MAPKAP1: variants seen among roughly 807,000 people sequenced by gnomAD.
MAPKAP1 encodes the protein target of rapamycin complex 2 subunit MAPKAP1.
Under a neutral mutation model 65.7 loss-of-function variants are expected in MAPKAP1, and 20 were observed. The ratio of observed to expected loss-of-function variants is 0.30; its 90% CI spans 0.21 to 0.44. The LOEUF (loss-of-function observed/expected upper bound fraction) is 0.44, where lower values mean the gene tolerates loss of function less well. Ranked by LOEUF, MAPKAP1 falls within the 20% of genes least tolerant of loss-of-function variation. MAPKAP1 has a pLI of 1.00. For synonymous variants in MAPKAP1, 222 were observed against 244.3 expected, an observed-to-expected ratio of 0.91 and a Z score of 0.85; for missense variants, 423 against 648.0, an observed-to-expected ratio of 0.65 and a Z score of 3.77.
intron 8 of MAPKAP1, among the ~76,000 whole-genome samples, chr9:125,503,425 C>T (rs920063305): frequency 9.9e-5 from 15 of 152,180 alleles, no homozygotes; most frequent in Non-Finnish European, 1.9e-4. Context: ...TTTGTTTCAA[C>T]CTTTTCCCAG....
At chr9:125,466,180 G>C (rs1037469426) in intron 10 of MAPKAP1, among the ~76,000 whole-genome samples, 1 of 152,206 alleles carries the variant, frequency 6.6e-6, no homozygotes, top group African/African-American at 2.4e-5. Flanking sequence ...AGGAACTCAA[G>C]AACAGCCTGG....
rs528090723 is a variant in MAPKAP1, at chr9:125,682,943, G to A, written c.-69-10300C>T. On this transcript the variant is annotated intron_variant, in intron 1 of 11. Transcript: ENST00000265960. ...GGATCTTCTGAGGGTGGACCCAGTA[G>A]ATAGAATTTTAAATTCTTTTTTTTT... 4.7e-5 allele frequency among the ~76,000 whole-genome samples: 7 copies of A among 149,680 alleles called. No homozygotes were observed. The South Asian group carries it at 1.5e-3, about 32-fold the overall frequency.
chr9:125,622,090 C>T (rs1262719825), intron 4 of MAPKAP1, among the ~76,000 whole-genome samples: 1 of 152,038 alleles, frequency 6.6e-6, no homozygotes, highest in Non-Finnish European at 1.5e-5. Flanking sequence ...AAAACTGGGG[C>T]TCATGGAAGT....
chr9:125,701,424 G>C (rs1386532321), intron 1 of MAPKAP1, among the ~76,000 whole-genome samples: 1 of 152,136 alleles, frequency 6.6e-6, no homozygotes, highest in African/African-American at 2.4e-5. Flanking sequence ...TGTAAGTGAC[G>C]TGACCAAACT....
intron 8 of MAPKAP1, among the ~76,000 whole-genome samples, chr9:125,484,897 GGTGTTA>G (rs1854445363): frequency 6.6e-6 from 1 of 152,132 alleles, no homozygotes; most frequent in African/African-American, 2.4e-5. Context: ...GAGCTTGGGT[GGTGTTA>G]GCAGTGTCAC....
chr9:125,562,761 A>G (rs758902111), intron 5 of MAPKAP1, among the ~76,000 whole-genome samples: 47 of 152,344 alleles, frequency 3.1e-4, no homozygotes, highest in Non-Finnish European at 6.3e-4. Context: ...CAACTTTGTA[A>G]ATGAATCATT....
chr9:125,622,737 C>T (rs940981442), intron 4 of MAPKAP1, among the ~76,000 whole-genome samples: 1 of 152,170 alleles, frequency 6.6e-6, no homozygotes, highest in Admixed American at 6.5e-5. Context: ...AGCCACTACA[C>T]CTGGCCCAAT....
chr9:125,482,132 A>AG (rs1179603510), intron 9 of MAPKAP1, among the ~76,000 whole-genome samples: 31 of 97,342 alleles, frequency 3.2e-4, no homozygotes, highest in African/African-American at 1.2e-3. Context: ...AACTCTGTCT[A>AG]AAAAAAAAAA....
chr9:125,547,177 T>C (rs1365694906), intron 6 of MAPKAP1, among the ~76,000 whole-genome samples: 1 of 152,186 alleles, frequency 6.6e-6, no homozygotes, highest in Non-Finnish European at 1.5e-5. Context: ...AAAAAGTTTG[T>C]ATGCCAGCAC....
At chr9:125,541,182 G>C (rs1397133218) in intron 7 of MAPKAP1, among the ~76,000 whole-genome samples, 1 of 152,196 alleles carries the variant, frequency 6.6e-6, no homozygotes, top group Non-Finnish European at 1.5e-5. Flanking sequence ...GACTCTGATG[G>C]AAAAGGCAGT....
intron 4 of MAPKAP1, among the ~76,000 whole-genome samples, chr9:125,602,722 T>G (rs1054218855): frequency 9.2e-5 from 14 of 152,104 alleles, no homozygotes; most frequent in Admixed American, 3.9e-4. Context: ...TCCAAGCACT[T>G]TTCATACATT....
At chr9:125,542,087 G>C (rs531811539) in intron 7 of MAPKAP1, among the ~76,000 whole-genome samples, 2 of 152,218 alleles carry the variant, frequency 1.3e-5, no homozygotes, top group East Asian at 3.9e-4. Context: ...ATGAGAATCA[G>C]ATTTTCATTG....
chr9:125,515,194 CAAATTAAATACA>C (rs1211498771), intron 7 of MAPKAP1, among the ~76,000 whole-genome samples: 1 of 152,050 alleles, frequency 6.6e-6, no homozygotes. Flanking sequence ...TGAATATAAT[CAAATTAAATACA>C]ATTCCTATTA....
intron 7 of MAPKAP1, among the ~76,000 whole-genome samples, chr9:125,507,441 G>A (rs1021780510): frequency 2.0e-5 from 3 of 152,194 alleles, no homozygotes; most frequent in Non-Finnish European, 2.9e-5. Flanking sequence ...CTCCCAGGCG[G>A]AACACGTATT....
chr9:125,687,346 T>C (rs1231604935), intron 1 of MAPKAP1, among the ~76,000 whole-genome samples: 1 of 152,100 alleles, frequency 6.6e-6, no homozygotes, highest in Admixed American at 6.5e-5. Flanking sequence ...CTGCTATGGA[T>C]TAGTTAACAG....
chr9:125,567,094 AGCC>A (rs1410407442), intron 5 of MAPKAP1, among the ~76,000 whole-genome samples: 4 of 152,208 alleles, frequency 2.6e-5, no homozygotes, highest in Non-Finnish European at 4.4e-5. Flanking sequence ...TATTGAGTTC[AGCC>A]CAAGTCCTTG....
chr9:125,454,672 T>C (rs1564516312), intron 10 of MAPKAP1, among the ~76,000 whole-genome samples: 1 of 152,242 alleles, frequency 6.6e-6, no homozygotes, highest in African/African-American at 2.4e-5. Flanking sequence ...TGCTCTTTAA[T>C]AGTTTTTGTT....
intron 4 of MAPKAP1, among the ~76,000 whole-genome samples, chr9:125,629,585 T>TA (rs978202721): frequency 1.3e-5 from 2 of 152,060 alleles, no homozygotes; most frequent in South Asian, 2.1e-4. Flanking sequence ...GGAAACAAAG[T>TA]AAAAAAGTAG....
chr9:125,454,497 T>C (rs1344889584), intron 10 of MAPKAP1, among the ~76,000 whole-genome samples: 1 of 152,224 alleles, frequency 6.6e-6, no homozygotes, highest in African/African-American at 2.4e-5. Flanking sequence ...TAAAATTCTA[T>C]ATTATAGACC....
Sources: allele counts gnomAD v4.1 joint callset (sites outside exome capture counted in the v4.1 genomes callset), GRCh38; gene constraint gnomAD v4.1.1; transcripts MANE v1.5; gene names NCBI Gene and HGNC (gene_info 2026-07-23, HGNC 2026-07-21).